Variants in ASPH observed in about 807,000 individuals in gnomAD.
ASPH encodes the protein aspartate beta-hydroxylase.
ASPH carries 100 observed loss-of-function variants against 118.4 expected under a neutral mutation model. The observed-to-expected ratio is 0.84, with a 90% CI of 0.72 to 1.00. ASPH has a LOEUF of 1.00. Ranked by LOEUF, ASPH falls within the 50% of genes least tolerant of loss-of-function variation. ASPH has a pLI of 0.00. For missense variants in ASPH, 920 were observed against 919.5 expected (o/e 1.00, Z -0.01); for synonymous variants, 315 against 325.6 (o/e 0.97, Z 0.35).
At chr8:61,673,433 C>T (rs894699543) in intron 3 of ASPH, among the ~76,000 whole-genome samples, 4 of 152,154 alleles carry the variant, frequency 2.6e-5, no homozygotes, top group African/African-American at 7.2e-5. Context: ...TCTTTGCAAT[C>T]GGACAAATGT....
intron 18 of ASPH, among the ~76,000 whole-genome samples, chr8:61,556,642 T>A (rs879383883): frequency 9.2e-5 from 14 of 152,262 alleles, no homozygotes; most frequent in Admixed American, 7.8e-4. Flanking sequence ...TTATATGCAT[T>A]CATTATGATT....
At chr8:61,708,725 T>C (rs1323205452) in intron 1 of ASPH, among the ~76,000 whole-genome samples, 3 of 152,232 alleles carry the variant, frequency 2.0e-5, no homozygotes, top group Admixed American at 1.3e-4. Flanking sequence ...AATTTAAGAC[T>C]GATCCTTGGG....
chr8:61,630,750 G>A (rs1477412507), intron 13 of ASPH, among the ~76,000 whole-genome samples: 1 of 152,066 alleles, frequency 6.6e-6, no homozygotes, highest in Non-Finnish European at 1.5e-5. Context: ...GATAATAAAG[G>A]ACTGTTAATG....
intron 2 of ASPH, 91 bp from the exon 3 acceptor site, chr8:61,681,127 C>A: frequency 2.0e-6 from 2 of 978,634 alleles, no homozygotes; most frequent in South Asian, 2.1e-5. Flanking sequence ...GCAACTCAGT[C>A]ATAAATGTTA....
chr8:61,522,005 C>A (rs771247726), intron 22 of ASPH, among the ~76,000 whole-genome samples: 12 of 152,040 alleles, frequency 7.9e-5, no homozygotes, highest in Admixed American at 3.3e-4. Flanking sequence ...CTGTTGGGGT[C>A]AGTTAGCACC....
intron 4 of ASPH, 147 bp downstream of exon 4, chr8:61,653,421 C>A (rs1350439273): frequency 1.4e-6 from 1 of 715,990 alleles, no homozygotes; most frequent in East Asian, 2.8e-5. Context: ...TAGAAAAATA[C>A]TACATAATTT....
intron 6 of ASPH, 146 bp from the exon 7 acceptor site, chr8:61,644,778 A>G (rs990762987): frequency 2.0e-6 from 1 of 507,190 alleles, no homozygotes; most frequent in African/African-American, 2.0e-5. Context: ...TCTGCTTAAC[A>G]CTTTTATATT....
At chr8:61,575,161 A>G (rs776629181) in intron 16 of ASPH, among the ~76,000 whole-genome samples, 2 of 152,134 alleles carry the variant, frequency 1.3e-5, no homozygotes, top group Admixed American at 1.3e-4. Context: ...TCTTTCAGTC[A>G]TGTTACCTGC....
At chr8:61,625,154 T>C in intron 13 of ASPH, 1 of 985,742 alleles carries the variant, frequency 1.0e-6, no homozygotes, top group Non-Finnish European at 1.2e-6. Flanking sequence ...AATGATGTGG[T>C]AGCTACCTTC....
intron 24 of ASPH, among the ~76,000 whole-genome samples, chr8:61,512,983 A>G (rs1278688543): frequency 1.3e-5 from 2 of 152,226 alleles, no homozygotes; most frequent in African/African-American, 4.8e-5. Flanking sequence ...ATTTGAAATA[A>G]TAATTTCATT....
At chr8:61,677,888 C>T (rs1319690391) in intron 3 of ASPH, among the ~76,000 whole-genome samples, 3 of 152,070 alleles carry the variant, frequency 2.0e-5, no homozygotes, top group African/African-American at 7.2e-5. Flanking sequence ...TGACCATATG[C>T]AACGAATATG....
chr8:61,621,374 C>T (rs896720646), intron 13 of ASPH, among the ~76,000 whole-genome samples: 8 of 150,080 alleles, frequency 5.3e-5, no homozygotes, highest in African/African-American at 1.5e-4. Flanking sequence ...ACAGAGAATA[C>T]GTTTTAGGCT....
At chr8:61,608,984 G>T (rs1418409246) in intron 14 of ASPH, among the ~76,000 whole-genome samples, 1 of 152,164 alleles carries the variant, frequency 6.6e-6, no homozygotes, top group Non-Finnish European at 1.5e-5. Context: ...ACCTAGTTTT[G>T]TTTGGGTGCA....
intron 14 of ASPH, chr8:61,607,336 T>A (rs1356357828): frequency 1.6e-5 from 11 of 699,768 alleles, no homozygotes; most frequent in Non-Finnish European, 2.6e-6. Flanking sequence ...TAAATGAAAG[T>A]GTGTCGGAAT....
intron 15 of ASPH, chr8:61,583,568 T>C: frequency 6.2e-6 from 1 of 162,494 alleles, no homozygotes; most frequent in Non-Finnish European, 1.3e-5. Context: ...AAATTCTCAT[T>C]TGATCTTTAA....
intron 18 of ASPH, among the ~76,000 whole-genome samples, chr8:61,558,331 T>C (rs1828616462): frequency 6.6e-6 from 1 of 152,038 alleles, no homozygotes; most frequent in Non-Finnish European, 1.5e-5. Context: ...CAAGGTATAT[T>C]AGAAAGTGAG....
intron 1 of ASPH, chr8:61,689,703 T>C: frequency 6.3e-7 from 1 of 1,582,926 alleles, no homozygotes; most frequent in South Asian, 1.1e-5. Context: ...ATTTCTTCAA[T>C]CCATGAATAA....
At chr8:61,546,040 G>T (rs1823727778) in intron 21 of ASPH, among the ~76,000 whole-genome samples, 2 of 152,176 alleles carry the variant, frequency 1.3e-5, no homozygotes, top group Admixed American at 1.3e-4. Context: ...ATGAGACATG[G>T]TTCCCACCAA....
intron 14 of ASPH, among the ~76,000 whole-genome samples, chr8:61,616,559 CG>C (rs1564022696): frequency 6.6e-6 from 1 of 152,166 alleles, no homozygotes; most frequent in Non-Finnish European, 1.5e-5. Flanking sequence ...GGGCTGGGTA[CG>C]GTGTCCACAG....
Sources: allele counts gnomAD v4.1 joint callset (sites outside exome capture counted in the v4.1 genomes callset), GRCh38; gene constraint gnomAD v4.1.1; transcripts MANE v1.5; gene names NCBI Gene and HGNC (gene_info 2026-07-23, HGNC 2026-07-21).